IL24: variants seen among roughly 807,000 people sequenced by gnomAD.
IL24 encodes interleukin-24.
Under a neutral mutation model 27.6 loss-of-function variants are expected in IL24, and 24 were observed. The ratio of observed to expected loss-of-function variants is 0.87; its 90% CI spans 0.63 to 1.22. The LOEUF (loss-of-function observed/expected upper bound fraction) is 1.22. IL24 is among the 50% of genes most tolerant of loss of function. The pLI is 0.00. For missense variants in IL24, 240 were observed against 237.0 expected, an observed-to-expected ratio of 1.01 and a Z score of -0.08; for synonymous variants, 99 against 93.1, an observed-to-expected ratio of 1.06 and a Z score of -0.36.
At chr1:206,899,643 T>C (rs1032413762) in intron 3 of IL24, 128 bp downstream of exon 3, 13 of 727,954 alleles carry the variant, frequency 1.8e-5, no homozygotes, top group Admixed American at 3.2e-5. Flanking sequence ...CAGTTTCCCA[T>C]ATAATAACTC....
Position 206,902,982 on chromosome 1 carries a change from G to A in IL24, c.544G>A (p.Val182Ile), listed in dbSNP as rs765179656. Residue 182 changes from valine (V) to isoleucine (I), a missense_variant, in exon 7 of 7, where the codon GTA becomes ATA. Physicochemically the swap from Val to Ile is conservative, Grantham distance 29. Transcript: ENST00000294984. ...AACCCTCTTTTCCCTTTAGTTGGAC[G>A]TAGAAGCAGCTCTGACCAAAGCCCT... ...LFRRAFKQLD[V>I]EAALTKALGE... 17 of 1,614,002 alleles carry A rather than the reference G, an allele frequency of 1.1e-5. No individual in the cohort carries two copies. Among genetic ancestry groups the A allele is most frequent in the South Asian group, 6.6e-5 (6 of 91,076 alleles).
intron 5 of IL24, 65 bp downstream of exon 5, chr1:206,901,717 C>A: frequency 7.1e-7 from 1 of 1,400,840 alleles, no homozygotes; most frequent in Non-Finnish European, 9.9e-7. Flanking sequence ...TTCCAATCTG[C>A]TGGGTGACCC....
At chr1:206,900,195 C>A in intron 3 of IL24, 100 bp from the exon 4 acceptor site, 1 of 1,085,402 alleles carries the variant, frequency 9.2e-7, no homozygotes, top group South Asian at 1.3e-5. Flanking sequence ...ATCTCACAGA[C>A]TAGATAGATT....
chr1:206,901,975 ACTTC>A lies in IL24; in HGVS notation c.463-22_463-19del. On this transcript the variant is annotated intron_variant, in intron 5 of 6. Transcript: ENST00000294984. Reference sequence around the variant, plus strand: ...CTGCTCCTATCTAAAAATTGGCACAACTTCTTTTCCCATGTTATGTAGCAAGAAA... The same window carrying A: ...CTGCTCCTATCTAAAAATTGGCACAATTTTCCCATGTTATGTAGCAAGAAA... The A allele has an allele frequency of 1.2e-6, 2 of 1,612,728 alleles. No homozygotes were observed. Among genetic ancestry groups the A allele is most frequent in the Non-Finnish European group, 1.7e-6 (2 of 1,178,904 alleles).
intron 6 of IL24, chr1:206,902,586 A>G: frequency 1.0e-6 from 1 of 984,498 alleles, no homozygotes; most frequent in Non-Finnish European, 1.2e-6. Flanking sequence ...TTTGAGGAAG[A>G]GATGCATCAG....
In IL24 at chr1:206,901,611, G is replaced by T; in HGVS notation, c.421G>T (p.Ala141Ser). ...VRTLKSFSTL[A>S]NNFVLIVSQL... ...GACTCTGAAGTCATTCTCTACTCTGGCCAACAACTTTGTTCTCATCGTGTC... is the reference window on the plus strand; with the variant it reads ...GACTCTGAAGTCATTCTCTACTCTGTCCAACAACTTTGTTCTCATCGTGTC... The change falls in exon 5 of 7, where the codon GCC (alanine) becomes TCC (serine). Residue 141 changes from alanine (A) to serine (S), a missense_variant. Ala to Ser is a moderately conservative substitution (Grantham distance 99). Coordinates refer to ENST00000294984, the MANE Select transcript of IL24 (RefSeq NM_006850.3). 6.2e-7 allele frequency: 1 copy of T among 1,614,092 alleles called. No individual in the cohort carries two copies. The highest frequency in any genetic ancestry group is 1.1e-5 in the South Asian group (1 of 91,064).
Position 206,899,300 on chromosome 1 carries a change from GC to G in IL24, c.45-18del. The G allele has an allele frequency of 1.2e-6, 2 of 1,610,804 alleles. No homozygotes were observed. The highest frequency in any genetic ancestry group is 1.7e-6 in the Non-Finnish European group (2 of 1,178,640). ...GGTCAGAGGGCCGGCCTCACAGGCT[GC>G]CTCCCTTTCTTTCAGCAGACCCTTC... On this transcript the variant is annotated intron_variant, in intron 2 of 6. Coordinates refer to ENST00000294984, the MANE Select transcript of IL24 (RefSeq NM_006850.3).
In IL24 at chr1:206,897,998, C is replaced by CAAA; in HGVS notation, c.44+129_44+131dup. The CAAA allele has an allele frequency of 5.6e-6, 3 of 534,404 alleles. No individual in the cohort carries two copies. In the East Asian group the frequency reaches 1.1e-4, roughly 19 times the overall value. The allele number at this position is 534,404 out of a possible 1,614,324, so 33.1% of individuals were successfully genotyped here. A position where few individuals can be genotyped will look rare whatever the true frequency, so the allele number is the denominator to read the frequency against. On this transcript the variant is annotated intron_variant, in intron 2 of 6. Transcript: ENST00000294984. Reference sequence around the variant, plus strand: ...TGAAACCCTGTCTCTACTAAAAATACAAAAAAAAATTAGTTGGGCATGTGT... The same window carrying CAAA: ...TGAAACCCTGTCTCTACTAAAAATACAAAAAAAAAAAATTAGTTGGGCATGTGT...
At position 206,902,314 on chromosome 1, in the gene IL24, C is replaced by T. The variant is rs372218835; in HGVS notation, c.537+242C>T. 19 of 985,338 alleles carry T rather than the reference C, an allele frequency of 1.9e-5. No individual in the cohort carries two copies. The East Asian group carries it at 6.8e-4, about 35-fold the overall frequency. 61.0% of individuals were successfully genotyped at this position (985,338 alleles called of 1,614,324 possible). ...TATATTTCCCTACAAGATGATTTTA[C>T]GAAAGGAACTTTCCCTGTGTTTTGT... On this transcript the variant is annotated intron_variant, in intron 6 of 6. Coordinates refer to ENST00000294984, the MANE Select transcript of IL24 (RefSeq NM_006850.3).
chr1:206,901,560 T>C lies in IL24; in HGVS notation c.370T>C (p.Tyr124His), dbSNP rs1150258. Residue 124 changes from tyrosine (Y) to histidine (H), a missense_variant, in exon 5 of 7, where the codon TAC (tyrosine) becomes CAC (histidine). By Grantham distance (83) the Tyr-to-His change is moderately conservative (BLOSUM62 2). Transcript: ENST00000294984. ...EFYLKTVFKNYHNRTVEVRTL... is the reference protein window; with the variant it reads ...EFYLKTVFKNHHNRTVEVRTL... ...CTACTTGAAAACTGTTTTCAAAAAC[T>C]ACCACAATAGAACAGTTGAAGTCAG... 700,743 of 1,613,506 alleles carry C rather than the reference T, an allele frequency of 0.43. 156,564 individuals are homozygous for C. The highest frequency in any genetic ancestry group is 0.49 in the Middle Eastern group (2,964 of 6,054).
chr1:206,897,989 C>A (rs1333306631), intron 2 of IL24, 113 bp downstream of exon 2: 3 of 571,320 alleles, frequency 5.3e-6, no homozygotes, highest in Non-Finnish European at 9.0e-6. Flanking sequence ...CCTGTCTCTA[C>A]TAAAAATACA....
In IL24 at chr1:206,897,628, G is replaced by A. The variant is rs1331662855; in HGVS notation, c.-103+13G>A. On this transcript the variant is annotated intron_variant, in intron 1 of 6. Transcript: ENST00000294984. ...TACAGGACCAGAGGTGAGCATGGGG[G>A]ATTCTTGGTTACTTTTTTTTGAAGG... 6.5e-6 allele frequency: 3 copies of A among 462,156 alleles called. No homozygotes were observed. Among genetic ancestry groups the A allele is most frequent in the Admixed American group, 3.8e-5 (1 of 26,420 alleles). 28.6% of individuals were successfully genotyped at this position (462,156 alleles called of 1,614,324 possible).
Position 206,903,159 on chromosome 1 carries a change from C to T in IL24, c.*100C>T, listed in dbSNP as rs1300135890. ...TGCTGTTCACTGGACACTTCACGCC[C>T]TTGGCCATGGGTCCCATTCTTGGCC... On this transcript the variant is annotated 3_prime_UTR_variant, in exon 7 of 7. Coordinates refer to ENST00000294984, the MANE Select transcript of IL24 (RefSeq NM_006850.3). 2 of 1,012,364 alleles carry T rather than the reference C, an allele frequency of 2.0e-6. No individual in the cohort carries two copies. Among genetic ancestry groups the T allele is most frequent in the Non-Finnish European group, 3.1e-6 (2 of 642,436 alleles). 62.7% of individuals were successfully genotyped at this position (1,012,364 alleles called of 1,614,324 possible).
At chr1:206,900,473 TAC>T (rs1678336561) in intron 4 of IL24, 116 bp downstream of exon 4, 1 of 906,114 alleles carries the variant, frequency 1.1e-6, no homozygotes, top group Non-Finnish European at 1.8e-6. Context: ...GGACTGACCT[TAC>T]ACAGGACAGG....
chr1:206,900,352 G>A lies in IL24; in HGVS notation c.298G>A (p.Val100Ile), dbSNP rs551792796. The A allele has an allele frequency of 8.1e-6, 13 of 1,614,014 alleles. No individual in the cohort carries two copies. The African/African-American group carries it at 1.3e-4, about 17-fold the overall frequency. ...RLLQQEVLQNVSDAESCYLVH... is the reference protein window; with the variant it reads ...RLLQQEVLQNISDAESCYLVH... ...GCTGCAGCAGGAGGTTCTGCAGAAC[G>A]TCTCGGTAATCAGACCTCGGGGACA... is the stretch of plus-strand genomic sequence containing the variant. The change falls in exon 4 of 7, where the codon GTC becomes ATC. Residue 100 changes from valine (V) to isoleucine (I), a missense_variant. Coordinates refer to ENST00000294984, the MANE Select transcript of IL24 (RefSeq NM_006850.3).
At chr1:206,902,169 C>G in intron 6 of IL24, 97 bp downstream of exon 6, 1 of 1,537,716 alleles carries the variant, frequency 6.5e-7, no homozygotes, top group Non-Finnish European at 8.7e-7. Context: ...GAATGTAATG[C>G]AGGGGACACC....
In IL24 at chr1:206,899,346, C is replaced by CA. The variant is rs1398315403; in HGVS notation, c.72dup (p.Ala25SerfsTer61). 1 of 1,613,948 alleles carries CA rather than the reference C, an allele frequency of 6.2e-7. No individual in the cohort carries two copies. The stretch of plus-strand genomic sequence containing the variant: ...CCCTTCTGCCCTCCTTTGCTGGCGA[C>CA]AGCCTCTCAAATGCAGATGGTTGTG... On this transcript the variant is annotated frameshift_variant, in exon 3 of 7. Transcript: ENST00000294984. LOFTEE classifies it high-confidence loss of function.
intron 2 of IL24, 68 bp from the exon 3 acceptor site, chr1:206,899,251 AT>A: frequency 6.6e-7 from 1 of 1,519,010 alleles, no homozygotes; most frequent in Non-Finnish European, 9.0e-7. Context: ...CCCTCGGAGC[AT>A]TTTCCCAGGG....
intron 2 of IL24, 28 bp downstream of exon 2, chr1:206,897,904 G>C (rs3790615): frequency 1.3e-6 from 2 of 1,504,018 alleles, no homozygotes; most frequent in Admixed American, 1.9e-5. Context: ...TGTAATCCCA[G>C]AACTTTGGGA....
Sources: allele counts gnomAD v4.1 joint callset, GRCh38; gene constraint gnomAD v4.1.1; transcripts MANE v1.5; gene names NCBI Gene and HGNC (gene_info 2026-07-23, HGNC 2026-07-21).